Variants in DGKH observed in about 807,000 individuals in gnomAD.
DGKH encodes DAG kinase eta.
In DGKH, 90 loss-of-function variants were observed where a neutral mutation model predicts 159.3. That is an observed-to-expected ratio of 0.57 (90% CI 0.48 to 0.67). The LOEUF (loss-of-function observed/expected upper bound fraction) is 0.67, where lower values mean the gene tolerates loss of function less well. DGKH is among the 30% of genes least tolerant of loss of function. The pLI is 0.00. For synonymous variants in DGKH, 536 were observed against 553.8 expected (o/e 0.97, Z 0.45); for missense variants, 1,181 against 1,506.1 (o/e 0.78, Z 3.57).
chr13:42,120,481 G>T (rs1048495204), intron 1 of DGKH, among the ~76,000 whole-genome samples: 24 of 152,238 alleles, frequency 1.6e-4, no homozygotes, highest in African/African-American at 5.5e-4. Context: ...ATTAACTACT[G>T]CTGAAAATGC....
intron 1 of DGKH, among the ~76,000 whole-genome samples, chr13:42,055,835 C>T (rs1371901294): frequency 6.6e-6 from 1 of 152,196 alleles, no homozygotes; most frequent in Non-Finnish European, 1.5e-5. Flanking sequence ...GTATTTTACT[C>T]TATGACTATT....
At chr13:42,144,820 T>C (rs939874018) in intron 3 of DGKH, among the ~76,000 whole-genome samples, 2 of 152,196 alleles carry the variant, frequency 1.3e-5, no homozygotes, top group African/African-American at 4.8e-5. Context: ...ACCTCACAGA[T>C]TTTGGTTCCA....
chr13:42,163,854 C>G (rs892296708), intron 7 of DGKH, among the ~76,000 whole-genome samples: 12 of 152,148 alleles, frequency 7.9e-5, no homozygotes, highest in Non-Finnish European at 1.5e-4. Context: ...TGTGCAGAAG[C>G]TCTTTAGTTT....
At chr13:42,132,547 T>G (rs974632003) in intron 3 of DGKH, among the ~76,000 whole-genome samples, 5 of 152,250 alleles carry the variant, frequency 3.3e-5, no homozygotes, top group African/African-American at 1.2e-4. Flanking sequence ...GCTGGGCTTG[T>G]GATCTCTCCT....
intron 25 of DGKH, among the ~76,000 whole-genome samples, chr13:42,215,174 A>G (rs1019231456): frequency 7.9e-5 from 12 of 151,144 alleles, no homozygotes; most frequent in South Asian, 4.2e-4. Context: ...TTTTTTAATT[A>G]TTTGATTGAA....
chr13:42,102,808 C>T (rs897615240), intron 1 of DGKH, among the ~76,000 whole-genome samples: 7 of 152,164 alleles, frequency 4.6e-5, no homozygotes, highest in Admixed American at 3.9e-4. Context: ...AGCCTTGGAA[C>T]GGAGTTCATT....
At chr13:42,086,034 T>G (rs1954294642) in intron 1 of DGKH, among the ~76,000 whole-genome samples, 1 of 152,074 alleles carries the variant, frequency 6.6e-6, no homozygotes, top group African/African-American at 2.4e-5. Context: ...TTCTCGTGCC[T>G]CAGCCCTTGA....
At chr13:42,174,189 TCTTG>T in intron 12 of DGKH, 45 bp downstream of exon 12, 1 of 1,417,114 alleles carries the variant, frequency 7.1e-7, no homozygotes, top group Admixed American at 1.9e-5. Context: ...GGGGTGGATA[TCTTG>T]AGAAAAAAAA....
chr13:42,116,871 AG>A (rs1594049827), intron 1 of DGKH, among the ~76,000 whole-genome samples: 1 of 152,266 alleles, frequency 6.6e-6, no homozygotes, highest in East Asian at 1.9e-4. Flanking sequence ...ACAGAAAGCC[AG>A]CTATATAAAA....
intron 30 of DGKH, among the ~76,000 whole-genome samples, chr13:42,253,005 A>G (rs1644356518): frequency 6.6e-6 from 1 of 152,112 alleles, no homozygotes; most frequent in African/African-American, 2.4e-5. Flanking sequence ...TAGTCTCATT[A>G]TTATCCAATT....
chr13:42,170,365 A>G (rs187177757), intron 11 of DGKH, among the ~76,000 whole-genome samples: 3 of 152,224 alleles, frequency 2.0e-5, no homozygotes, highest in Admixed American at 6.5e-5. Flanking sequence ...GTGAGCCACA[A>G]TTGCACCACT....
At chr13:42,157,010 C>A (rs1298838038) in intron 5 of DGKH, among the ~76,000 whole-genome samples, 1 of 152,124 alleles carries the variant, frequency 6.6e-6, no homozygotes, top group Non-Finnish European at 1.5e-5. Context: ...GGAATACATA[C>A]AATAAAACTA....
chr13:42,199,471 AGCT>A, intron 18 of DGKH, 92 bp from the exon 19 acceptor site: 1 of 819,332 alleles, frequency 1.2e-6, no homozygotes. Context: ...ATAAAATGAA[AGCT>A]TAAATGGTTT....
At chr13:42,139,768 A>T (rs1425653767) in intron 3 of DGKH, among the ~76,000 whole-genome samples, 7 of 151,784 alleles carry the variant, frequency 4.6e-5, no homozygotes, top group Non-Finnish European at 7.4e-5. Context: ...AGTGCTAAAT[A>T]AAAAAAATTG....
At chr13:42,185,107 G>A (rs1205412431) in intron 13 of DGKH, among the ~76,000 whole-genome samples, 3 of 151,908 alleles carry the variant, frequency 2.0e-5, no homozygotes, top group African/African-American at 2.4e-5. Context: ...CAATTTGCAC[G>A]TTTCTGGTTG....
chr13:42,092,626 T>A lies in DGKH; in HGVS notation c.193-34837T>A, dbSNP rs186803576. 2.1e-3 allele frequency among the ~76,000 whole-genome samples: 313 copies of A among 152,318 alleles called. 5 individuals are homozygous for A. The highest frequency in any genetic ancestry group is 7.3e-3 in the African/African-American group (303 of 41,568). On this transcript the variant is annotated intron_variant, in intron 1 of 29. Coordinates refer to ENST00000337343, the MANE Select transcript of DGKH (RefSeq NM_178009.5). Reference sequence around the variant, plus strand: ...CGGGGAGGGAGAGGATGAAAGAGTCTGGTTAATGGTACAAAAAATATAGTT... The same window carrying A: ...CGGGGAGGGAGAGGATGAAAGAGTCAGGTTAATGGTACAAAAAATATAGTT...
chr13:42,054,516 A>G (rs955675280), intron 1 of DGKH, among the ~76,000 whole-genome samples: 1 of 152,218 alleles, frequency 6.6e-6, no homozygotes, highest in African/African-American at 2.4e-5. Context: ...GATAGTAAAT[A>G]GTTTAAATTC....
intron 29 of DGKH, among the ~76,000 whole-genome samples, chr13:42,251,501 T>C (rs431016): frequency 0.99 from 150,141 of 152,278 alleles, 74,041 homozygotes; most frequent in East Asian, 1. Context: ...TTCATCCCTT[T>C]GGTATTAACT....
chr13:42,089,536 G>C (rs140750680), intron 1 of DGKH, among the ~76,000 whole-genome samples: 4 of 152,154 alleles, frequency 2.6e-5, no homozygotes, highest in African/African-American at 9.7e-5. Context: ...TCTGGGAAGA[G>C]AATCTATTTC....
Sources: allele counts gnomAD v4.1 joint callset (sites outside exome capture counted in the v4.1 genomes callset), GRCh38; gene constraint gnomAD v4.1.1; transcripts MANE v1.5; gene names NCBI Gene and HGNC (gene_info 2026-07-23, HGNC 2026-07-21).